The following HMGB1 variants were observed in gnomAD, a reference collection of about 807,000 sequenced individuals.
HMGB1 encodes high mobility group protein B1.
For synonymous variants in HMGB1, 81 were observed against 84.0 expected, an observed-to-expected ratio of 0.96 and a Z score of 0.19; for missense variants, 79 against 253.5, an observed-to-expected ratio of 0.31 and a Z score of 4.67.
At chr13:30,572,280 GA>G (rs1246225416) in intron 1 of HMGB1, among the ~76,000 whole-genome samples, 1 of 152,168 alleles carries the variant, frequency 6.6e-6, no homozygotes, top group Non-Finnish European at 1.5e-5. Context: ...ACATCTCAGA[GA>G]TAAAGTGTTC....
chr13:30,541,569 C>G (rs1868889511), intron 1 of HMGB1: 1 of 152,572 alleles, frequency 6.6e-6, no homozygotes, highest in African/African-American at 2.4e-5. Flanking sequence ...ACAGGAAAAG[C>G]AAATCAAGGA....
At position 30,458,331 on chromosome 13, in the gene HMGB1, G is replaced by GTTTTTTTTTTTTTTTTTT. The variant is rs398022159; in HGVS notation, c.*3025_*3026insAAAAAAAAAAAAAAAAAA. Reference sequence around the variant, plus strand: ...TTCAAAAACCAGTTGTCTCTCCTGTGTTTTTTTTTTTTTTTTGAGATGGAG... The same window carrying GTTTTTTTTTTTTTTTTTT: ...TTCAAAAACCAGTTGTCTCTCCTGTGTTTTTTTTTTTTTTTTTTTTTTTTTTTTTTTTTTGAGATGGAG... On this transcript the variant is annotated 3_prime_UTR_variant, in exon 5 of 5. Coordinates refer to ENST00000341423, the MANE Select transcript of HMGB1 (RefSeq NM_002128.7). 7.3e-6 allele frequency: 1 copy of GTTTTTTTTTTTTTTTTTT among 137,034 alleles called. No individual in the cohort carries two copies. Among genetic ancestry groups the GTTTTTTTTTTTTTTTTTT allele is most frequent in the African/African-American group, 2.8e-5 (1 of 36,242 alleles). The allele number at this position is 137,034 out of a possible 1,614,324, so 8.5% of individuals were successfully genotyped here. A position where few individuals can be genotyped will look rare whatever the true frequency, so the allele number is the denominator to read the frequency against.
At chr13:30,463,876 G>T in intron 1 of HMGB1, 182 bp from the exon 2 acceptor site, 1 of 536,672 alleles carries the variant, frequency 1.9e-6, no homozygotes, top group Non-Finnish European at 3.1e-6. Flanking sequence ...GCTATGCCAA[G>T]CAAACAAAAC....
At chr13:30,500,700 C>A (rs1266978064) in intron 1 of HMGB1, among the ~76,000 whole-genome samples, 1 of 151,230 alleles carries the variant, frequency 6.6e-6, no homozygotes, top group Non-Finnish European at 1.5e-5. Context: ...CAGCATCACA[C>A]CCAGCTAACT....
At chr13:30,473,785 A>G (rs962138191) in intron 1 of HMGB1, among the ~76,000 whole-genome samples, 2 of 152,240 alleles carry the variant, frequency 1.3e-5, no homozygotes, top group African/African-American at 4.8e-5. Flanking sequence ...AAACATGTCC[A>G]CACACACTTG....
chr13:30,463,771 T>C, intron 1 of HMGB1, 77 bp from the exon 2 acceptor site: 4 of 913,612 alleles, frequency 4.4e-6, no homozygotes, highest in African/African-American at 3.4e-5. Flanking sequence ...AGTAAGGGAA[T>C]GAAAACCAAA....
At chr13:30,465,147 C>A in intron 1 of HMGB1, 1 of 969,314 alleles carries the variant, frequency 1.0e-6, no homozygotes, top group South Asian at 4.6e-5. Flanking sequence ...GGGCCCGAGT[C>A]AGCCATGTTC....
chr13:30,601,261 T>C (rs917183111), intron 1 of HMGB1, among the ~76,000 whole-genome samples: 6 of 152,190 alleles, frequency 3.9e-5, no homozygotes, highest in African/African-American at 1.4e-4. Context: ...CACCACCCTT[T>C]GCTGACTCTC....
At chr13:30,500,233 G>A (rs1384223073) in intron 1 of HMGB1, among the ~76,000 whole-genome samples, 1 of 152,164 alleles carries the variant, frequency 6.6e-6, no homozygotes, top group Non-Finnish European at 1.5e-5. Flanking sequence ...CTGCTGCCAT[G>A]TTCTTGGACT....
At chr13:30,498,107 C>A (rs778708213) in intron 1 of HMGB1, among the ~76,000 whole-genome samples, 2 of 152,168 alleles carry the variant, frequency 1.3e-5, no homozygotes, top group Non-Finnish European at 2.9e-5. Context: ...TCTCCACAAC[C>A]TCGCAAGCAT....
intron 1 of HMGB1, among the ~76,000 whole-genome samples, chr13:30,526,826 G>A (rs1187665977): frequency 3.9e-5 from 6 of 152,232 alleles, no homozygotes; most frequent in African/African-American, 1.4e-4. Flanking sequence ...GAGTCTGTGT[G>A]TCTTTATTTC....
intron 4 of HMGB1, 116 bp from the exon 5 acceptor site, chr13:30,461,649 C>A: frequency 6.3e-7 from 1 of 1,589,288 alleles, no homozygotes; most frequent in Non-Finnish European, 8.6e-7. Context: ...CAAAATATCA[C>A]GTATCTGTAG....
At chr13:30,592,288 G>T (rs1871404057) in intron 1 of HMGB1, among the ~76,000 whole-genome samples, 1 of 151,394 alleles carries the variant, frequency 6.6e-6, no homozygotes, top group African/African-American at 2.4e-5. Context: ...CCTTTTCTTT[G>T]GCATATTTAG....
intron 1 of HMGB1, among the ~76,000 whole-genome samples, chr13:30,601,812 A>G (rs1348025959): frequency 6.6e-6 from 1 of 150,410 alleles, no homozygotes; most frequent in Non-Finnish European, 1.5e-5. Flanking sequence ...GTAACTACCT[A>G]CTTTTTATAG....
At chr13:30,598,314 AG>A (rs1236060191) in intron 1 of HMGB1, among the ~76,000 whole-genome samples, 1 of 152,276 alleles carries the variant, frequency 6.6e-6, no homozygotes, top group Non-Finnish European at 1.5e-5. Flanking sequence ...TACAGAAAGT[AG>A]GGCAAGGGCC....
At chr13:30,465,006 CG>C in intron 1 of HMGB1, 2 of 192,686 alleles carry the variant, frequency 1.0e-5, no homozygotes, top group Non-Finnish European at 1.8e-5. Flanking sequence ...CCGCGCGGGC[CG>C]CGCGCCCCGC....
intron 1 of HMGB1, among the ~76,000 whole-genome samples, chr13:30,589,605 A>C (rs1362569201): frequency 1.3e-5 from 2 of 152,216 alleles, no homozygotes; most frequent in African/African-American, 4.8e-5. Context: ...ATGGTGGCTC[A>C]TGCCTGTAAT....
At chr13:30,492,452 C>T (rs1347005522) in intron 1 of HMGB1, among the ~76,000 whole-genome samples, 2 of 151,514 alleles carry the variant, frequency 1.3e-5, no homozygotes, top group Non-Finnish European at 1.5e-5. Flanking sequence ...AGTAAGAAAG[C>T]AATGCAATTT....
At chr13:30,596,778 T>C (rs1182777750) in intron 1 of HMGB1, among the ~76,000 whole-genome samples, 1 of 152,236 alleles carries the variant, frequency 6.6e-6, no homozygotes, top group African/African-American at 2.4e-5. Flanking sequence ...CTCATTTCTG[T>C]AATAGAAATG....
Sources: allele counts gnomAD v4.1 joint callset (sites outside exome capture counted in the v4.1 genomes callset), GRCh38; gene constraint gnomAD v4.1.1; transcripts MANE v1.5; gene names NCBI Gene and HGNC (gene_info 2026-07-23, HGNC 2026-07-21).